The following APBB2 variants were observed in gnomAD, a reference collection of about 807,000 sequenced individuals.
The protein encoded by APBB2 is amyloid beta precursor protein binding family B member 2.
Under a neutral mutation model 82.5 loss-of-function variants are expected in APBB2, and 38 were observed. The ratio of observed to expected loss-of-function variants is 0.46; its 90% CI spans 0.36 to 0.60. The LOEUF is 0.60. APBB2 is among the 20% of genes least tolerant of loss of function. APBB2 has a pLI of 0.00. For missense variants in APBB2, 772 were observed against 972.3 expected, an observed-to-expected ratio of 0.79 and a Z score of 2.74; for synonymous variants, 341 against 368.2, an observed-to-expected ratio of 0.93 and a Z score of 0.85.
intron 3 of APBB2, among the ~76,000 whole-genome samples, chr4:41,089,285 G>C (rs1159371688): frequency 1.3e-5 from 2 of 152,060 alleles, no homozygotes; most frequent in African/African-American, 4.8e-5. Flanking sequence ...TTGGGATTTT[G>C]GAATATTTGC....
intron 3 of APBB2, among the ~76,000 whole-genome samples, chr4:41,074,569 T>C (rs921519103): frequency 5.3e-5 from 8 of 151,848 alleles, no homozygotes; most frequent in African/African-American, 1.9e-4. Context: ...AACAGAAAAA[T>C]ATTAATTCTA....
chr4:41,201,851 A>C (rs1451456383), intron 1 of APBB2, among the ~76,000 whole-genome samples: 1 of 152,200 alleles, frequency 6.6e-6, no homozygotes, highest in African/African-American at 2.4e-5. Context: ...CAAGTCAGTA[A>C]TATACACGGC....
At chr4:41,159,996 G>A (rs1292189502) in intron 1 of APBB2, among the ~76,000 whole-genome samples, 1 of 148,766 alleles carries the variant, frequency 6.7e-6, no homozygotes, top group African/African-American at 2.5e-5. Context: ...AGAAGAAGAA[G>A]AAGAAGAAGA....
At chr4:40,989,889 T>C (rs1474434621) in intron 6 of APBB2, among the ~76,000 whole-genome samples, 1 of 152,210 alleles carries the variant, frequency 6.6e-6, no homozygotes, top group Non-Finnish European at 1.5e-5. Context: ...AAAGCAACTC[T>C]GGGCCTCAAA....
intron 1 of APBB2, among the ~76,000 whole-genome samples, chr4:41,173,846 C>A (rs1306581104): frequency 6.6e-6 from 1 of 152,102 alleles, no homozygotes; most frequent in Non-Finnish European, 1.5e-5. Flanking sequence ...TAACATGTTT[C>A]TCAGAAGATA....
intron 4 of APBB2, among the ~76,000 whole-genome samples, chr4:41,051,778 C>T (rs1448612397): frequency 6.6e-6 from 1 of 152,204 alleles, no homozygotes; most frequent in East Asian, 1.9e-4. Flanking sequence ...TTATCACCAC[C>T]ACATATACAC....
At chr4:41,184,059 C>T (rs896279122) in intron 1 of APBB2, among the ~76,000 whole-genome samples, 13 of 151,824 alleles carry the variant, frequency 8.6e-5, no homozygotes, top group South Asian at 2.1e-4. Flanking sequence ...CCATAAAGAG[C>T]GTACAACCTA....
At chr4:41,154,295 T>G (rs1235653373) in intron 1 of APBB2, among the ~76,000 whole-genome samples, 3 of 152,210 alleles carry the variant, frequency 2.0e-5, no homozygotes, top group Admixed American at 2.0e-4. Flanking sequence ...GCTCCTACCA[T>G]TATACCCGCT....
chr4:41,126,097 A>G (rs1430511490), intron 2 of APBB2, among the ~76,000 whole-genome samples: 1 of 152,010 alleles, frequency 6.6e-6, no homozygotes, highest in Admixed American at 6.6e-5. Context: ...ATGATCAGAA[A>G]GGCCAGGCAC....
At chr4:41,161,698 G>C (rs1326780431) in intron 1 of APBB2, among the ~76,000 whole-genome samples, 1 of 152,210 alleles carries the variant, frequency 6.6e-6, no homozygotes, top group Admixed American at 6.5e-5. Context: ...ACTCAGGAGA[G>C]TAGGTGAAGC....
chr4:40,830,342 C>G (rs1179499486), intron 13 of APBB2, 121 bp downstream of exon 13: 20 of 674,344 alleles, frequency 3.0e-5, no homozygotes, highest in Non-Finnish European at 4.8e-5. Context: ...GCTGAACAAT[C>G]TGCCTACTTC....
chr4:40,955,593 T>A (rs1377310631), intron 6 of APBB2, among the ~76,000 whole-genome samples: 1 of 152,196 alleles, frequency 6.6e-6, no homozygotes, highest in Non-Finnish European at 1.5e-5. Flanking sequence ...AACGCTTCAA[T>A]CCAAACTATT....
intron 10 of APBB2, among the ~76,000 whole-genome samples, chr4:40,898,163 T>G (rs1774227179): frequency 6.6e-6 from 1 of 152,216 alleles, no homozygotes; most frequent in African/African-American, 2.4e-5. Flanking sequence ...CCACCTATAC[T>G]TTACAGCATG....
chr4:41,033,116 A>G lies in APBB2; in HGVS notation c.19+120T>C, dbSNP rs371070601. ...TTTTTCTATTACATTAGTGAAGAAC[A>G]ATGAAATTAAAAAACATGTTATTTT... On this transcript the variant is annotated intron_variant, in intron 5 of 17. Coordinates refer to ENST00000508593, the MANE Select transcript of APBB2 (RefSeq NM_004307.2). The G allele has an allele frequency of 7.3e-5, 57 of 779,960 alleles. 1 individual carries two copies. The African/African-American group carries it at 8.4e-4, about 11-fold the overall frequency. The allele number at this position is 779,960 out of a possible 1,614,324, so 48.3% of individuals were successfully genotyped here.
chr4:41,161,322 T>C (rs1245840167), intron 1 of APBB2, among the ~76,000 whole-genome samples: 1 of 152,102 alleles, frequency 6.6e-6, no homozygotes, highest in Non-Finnish European at 1.5e-5. Context: ...AAGTATAGCA[T>C]TCAGCCGGGC....
chr4:41,123,815 T>C (rs1457626427), intron 2 of APBB2, among the ~76,000 whole-genome samples: 1 of 151,672 alleles, frequency 6.6e-6, no homozygotes, highest in Non-Finnish European at 1.5e-5. Context: ...AGCAAGACTC[T>C]GTCTCACAAA....
intron 12 of APBB2, among the ~76,000 whole-genome samples, chr4:40,853,129 T>C (rs1027769835): frequency 2.6e-5 from 4 of 151,858 alleles, no homozygotes; most frequent in Admixed American, 2.6e-4. Flanking sequence ...ACTTGGCGAG[T>C]TCAACCTCCA....
intron 1 of APBB2, among the ~76,000 whole-genome samples, chr4:41,185,034 G>A (rs1772507009): frequency 6.6e-6 from 1 of 152,212 alleles, no homozygotes; most frequent in Non-Finnish European, 1.5e-5. Flanking sequence ...TCACTAGAGT[G>A]TAATCTTACT....
At chr4:41,117,840 G>A (rs1355644324) in intron 2 of APBB2, among the ~76,000 whole-genome samples, 2 of 152,136 alleles carry the variant, frequency 1.3e-5, no homozygotes, top group African/African-American at 4.8e-5. Context: ...AAGTCACTAT[G>A]TGTCAGGCAA....
Sources: allele counts gnomAD v4.1 joint callset (sites outside exome capture counted in the v4.1 genomes callset), GRCh38; gene constraint gnomAD v4.1.1; transcripts MANE v1.5; gene names NCBI Gene and HGNC (gene_info 2026-07-23, HGNC 2026-07-21).